CAST: variants seen among roughly 807,000 people sequenced by gnomAD.
The protein encoded by CAST is MIR583 host.
In CAST, 76 loss-of-function variants were observed where a neutral mutation model predicts 119.6. The observed-to-expected ratio is 0.64, with a 90% CI of 0.53 to 0.77. The LOEUF (loss-of-function observed/expected upper bound fraction) is 0.77. Ranked by LOEUF, CAST falls within the 30% of genes least tolerant of loss-of-function variation. CAST has a pLI of 0.00. For missense variants in CAST, 953 were observed against 946.5 expected (o/e 1.01, Z -0.09); for synonymous variants, 319 against 331.6 (o/e 0.96, Z 0.41).
intron 1 of CAST, among the ~76,000 whole-genome samples, chr5:96,618,658 T>C (rs2607155): frequency 0.73 from 110,409 of 152,230 alleles, 40,500 homozygotes; most frequent in African/African-American, 0.83. Flanking sequence ...CCAGCAGCTG[T>C]GGAGGGTGCG....
Position 96,554,215 on chromosome 5 carries a change from C to A in CAST, c.60+24335C>A, listed in dbSNP as rs530634242. On this transcript the variant is annotated intron_variant, in intron 1 of 11. Coordinates refer to the CAST transcript ENST00000505143. ...CTGGTACCAAAACAGATATATAGAC[C>A]AATGGAACAGAACAGAGGCCTCAGA... Among the ~76,000 whole-genome samples, 4 of 152,248 alleles carry A rather than the reference C, an allele frequency of 2.6e-5. No individual in the cohort carries two copies. In the East Asian group the frequency reaches 5.8e-4, roughly 22 times the overall value.
At position 96,729,169 on chromosome 5, in the gene CAST, A is replaced by G. The variant is rs757585960; in HGVS notation, c.395A>G (p.Glu132Gly). The G allele has an allele frequency of 5.0e-6, 8 of 1,600,766 alleles. No individual in the cohort carries two copies. In the South Asian group the frequency reaches 8.8e-5, roughly 18 times the overall value. ...SQSTKLSVVHEKKSQEGKPKE... is the reference protein window; with the variant it reads ...SQSTKLSVVHGKKSQEGKPKE... ...AATTGACAGCTGTCTGTGGTTCATGAGAAAAAATCCCAAGAAGGAAAGCCA... is the reference window on the plus strand; with the variant it reads ...AATTGACAGCTGTCTGTGGTTCATGGGAAAAAATCCCAAGAAGGAAAGCCA... Residue 132 changes from glutamate to glycine, a missense_variant, in exon 7 of 32, where the codon GAG (glutamate) becomes GGG (glycine). Transcript: ENST00000675179.
chr5:96,315,996 C>T, the CAST span, among the ~76,000 whole-genome samples: 1 of 152,164 alleles, frequency 6.6e-6, no homozygotes, highest in Non-Finnish European at 1.5e-5. Flanking sequence ...CAAGTGAACT[C>T]CTTCAAGCCA....
At chr5:96,027,638 T>C in the CAST span, among the ~76,000 whole-genome samples, 1 of 152,118 alleles carries the variant, frequency 6.6e-6, no homozygotes, top group Non-Finnish European at 1.5e-5. Context: ...GTCATAGAAT[T>C]TGCAAACAAG....
At chr5:96,259,836 T>C in the CAST span, among the ~76,000 whole-genome samples, 3 of 152,088 alleles carry the variant, frequency 2.0e-5, no homozygotes, top group Non-Finnish European at 4.4e-5. Flanking sequence ...AACTTTTCAA[T>C]TGAGCGATGA....
the CAST span, among the ~76,000 whole-genome samples, chr5:96,228,774 A>G: frequency 6.6e-6 from 1 of 152,190 alleles, no homozygotes. Context: ...AAAACCTCAA[A>G]TTCTTATCCT....
intron 15 of CAST, chr5:96,742,437 G>A (rs909818961): frequency 1.9e-6 from 1 of 530,390 alleles, no homozygotes; most frequent in Non-Finnish European, 3.4e-6. Context: ...AGAGAACGCT[G>A]TTACTGTAGA....
chr5:96,567,359 C>T (rs942477439), intron 1 of CAST, among the ~76,000 whole-genome samples: 1 of 152,162 alleles, frequency 6.6e-6, no homozygotes, highest in Non-Finnish European at 1.5e-5. Flanking sequence ...TCTATCCATG[C>T]ATATTTCCTA....
At chr5:96,608,605 T>G (rs76611657) in intron 1 of CAST, among the ~76,000 whole-genome samples, 1 of 152,116 alleles carries the variant, frequency 6.6e-6, no homozygotes, top group Non-Finnish European at 1.5e-5. Context: ...TCACAAAAGA[T>G]TGCAAAAACT....
the CAST span, among the ~76,000 whole-genome samples, chr5:96,007,298 C>T: frequency 6.6e-6 from 1 of 152,180 alleles, no homozygotes; most frequent in South Asian, 2.1e-4. Flanking sequence ...GCAGATTAAG[C>T]TTCCCTAAGA....
the CAST span, among the ~76,000 whole-genome samples, chr5:96,315,351 GC>G: frequency 6.6e-6 from 1 of 152,174 alleles, no homozygotes; most frequent in Non-Finnish European, 1.5e-5. Context: ...GGAAACCTCT[GC>G]ACTTCACAGA....
At position 96,675,582 on chromosome 5, in the gene CAST, A is replaced by G. The variant is rs774351513; in HGVS notation, c.119A>G (p.Glu40Gly). 2 of 1,613,144 alleles carry G rather than the reference A, an allele frequency of 1.2e-6. No homozygotes were observed. The highest frequency in any genetic ancestry group is 2.7e-5 in the African/African-American group (2 of 74,914). The stretch of plus-strand genomic sequence containing the variant: ...AGTGAATCGCCTTCCAAACCAGGAG[A>G]AAAGAAAGGATCAGATGAGGTAATT... ...KTSESPSKPG[E>G]KKGSDEKKAA... The change falls in exon 2 of 32, where the codon GAA (glutamate) becomes GGA (glycine). Residue 40 changes from glutamate to glycine, a missense_variant. Coordinates refer to ENST00000675179, the MANE Select transcript of CAST (RefSeq NM_001750.7).
At chr5:96,429,108 A>AC in the CAST span, 4 of 693,080 alleles carry the variant, frequency 5.8e-6, no homozygotes, top group Non-Finnish European at 1.0e-5. Flanking sequence ...CTTGGTCACA[A>AC]TAAAAAAAAA....
rs1050907835 is a variant in CAST at position 96,774,599 on chromosome 5, G to C, written c.*1983G>C. Reference sequence around the variant, plus strand: ...AAAGCAAACAAAGATAGGTTCCTCAGGTGACCAAAACTGAAAATCAATATT... The same window carrying C: ...AAAGCAAACAAAGATAGGTTCCTCACGTGACCAAAACTGAAAATCAATATT... On this transcript the variant is annotated 3_prime_UTR_variant, in exon 32 of 32. Transcript: ENST00000675179. The C allele has an allele frequency of 4.1e-6, 4 of 985,342 alleles. No homozygotes were observed. The African/African-American group carries it at 7.0e-5, about 17-fold the overall frequency. 61.0% of individuals were successfully genotyped at this position (985,342 alleles called of 1,614,324 possible). A position where few individuals can be genotyped will look rare whatever the true frequency, so the allele number is the denominator to read the frequency against.
At chr5:96,768,124 C>T in intron 29 of CAST, 125 bp downstream of exon 29, 1 of 723,302 alleles carries the variant, frequency 1.4e-6, no homozygotes, top group East Asian at 2.7e-5. Flanking sequence ...TACTCTATAG[C>T]CCAGGCTGGA....
intron 1 of CAST, among the ~76,000 whole-genome samples, chr5:96,544,126 A>G (rs1219974651): frequency 2.0e-5 from 3 of 152,184 alleles, no homozygotes; most frequent in African/African-American, 4.8e-5. Context: ...TTGTGATTGC[A>G]TTGAGTCTGT....
rs398109187 is a variant in CAST at position 96,538,686 on chromosome 5, A to AC, written c.60+8807dup. On this transcript the variant is annotated intron_variant, in intron 1 of 11. Coordinates refer to the CAST transcript ENST00000505143. ...TCTGTTTTTTTAAATTAAAAAAAAA[A>AC]CAGAAAATGTAACATTGAAACACTG... 3.8e-4 allele frequency among the ~76,000 whole-genome samples: 57 copies of AC among 151,474 alleles called. 1 individual carries two copies. The highest frequency in any genetic ancestry group is 1.2e-3 in the African/African-American group (50 of 41,320).
intron 1 of CAST, among the ~76,000 whole-genome samples, chr5:96,583,008 A>T (rs549907143): frequency 9.2e-5 from 14 of 152,320 alleles, no homozygotes; most frequent in African/African-American, 3.4e-4. Context: ...CCAAAATCAC[A>T]AGTTAGGGAA....
chr5:96,626,069 C>T (rs3853204), intron 1 of CAST, among the ~76,000 whole-genome samples: 65,938 of 151,702 alleles, frequency 0.43, 14,429 homozygotes, highest in East Asian at 0.55. Flanking sequence ...CCTCCACGGA[C>T]ACTTTCCCCT....
Sources: allele counts gnomAD v4.1 joint callset (sites outside exome capture counted in the v4.1 genomes callset), GRCh38; gene constraint gnomAD v4.1.1; transcripts MANE v1.5; gene names NCBI Gene and HGNC (gene_info 2026-07-23, HGNC 2026-07-21).